The following SCAPER variants were observed in gnomAD, a reference collection of about 807,000 sequenced individuals.
SCAPER encodes the protein S-phase cyclin A associated protein in the ER.
A neutral mutation model predicts 182.2 loss-of-function variants in SCAPER; 98 were observed. The observed-to-expected ratio is 0.54, with a 90% CI of 0.46 to 0.64. The LOEUF (loss-of-function observed/expected upper bound fraction) is 0.64. Among genes scored for constraint, SCAPER ranks in the 30% least tolerant of loss-of-function variants. The pLI is 0.00. For missense variants in SCAPER, 1,432 were observed against 1,690.0 expected (o/e 0.85, Z 2.68); for synonymous variants, 605 against 564.6 (o/e 1.07, Z -1.01).
At chr15:76,870,941 C>T (rs887530037) in intron 2 of SCAPER, among the ~76,000 whole-genome samples, 3 of 151,316 alleles carry the variant, frequency 2.0e-5, no homozygotes, top group Admixed American at 6.6e-5. Flanking sequence ...TAAAAAGTAC[C>T]GACAACAACA....
intron 31 of SCAPER, 192 bp from the exon 32 acceptor site, chr15:76,348,928 CAT>C (rs2040349960): frequency 4.7e-6 from 2 of 423,822 alleles, no homozygotes; most frequent in African/African-American, 2.0e-5. Flanking sequence ...AAATATATGA[CAT>C]ATATTTTAAC....
At chr15:76,461,634 G>T (rs2049185032) in intron 25 of SCAPER, among the ~76,000 whole-genome samples, 1 of 151,542 alleles carries the variant, frequency 6.6e-6, no homozygotes, top group Admixed American at 6.6e-5. Flanking sequence ...TTCATTATCA[G>T]CACATTTTTC....
intron 18 of SCAPER, among the ~76,000 whole-genome samples, chr15:76,703,902 A>G (rs2059103190): frequency 6.6e-6 from 1 of 152,180 alleles, no homozygotes; most frequent in Non-Finnish European, 1.5e-5. Context: ...CTAGGACTAT[A>G]CAAATAGTAA....
rs376177880 is a variant in SCAPER at position 76,568,475 on chromosome 15, A to G, written c.2838+5683T>C. On this transcript the variant is annotated intron_variant, in intron 23 of 31. Transcript: ENST00000563290. ...AGTTCGAGTGATTCTCCTGTCTCAG[A>G]CTCCCAAGTAGCTGTGATTACAGGT... 9.3e-5 allele frequency among the ~76,000 whole-genome samples: 14 copies of G among 151,204 alleles called. No homozygotes were observed. In the East Asian group the frequency reaches 1.9e-3, roughly 21 times the overall value.
intron 22 of SCAPER, among the ~76,000 whole-genome samples, chr15:76,612,514 G>T (rs368873325): frequency 1.4e-4 from 22 of 152,226 alleles, no homozygotes; most frequent in African/African-American, 5.3e-4. Context: ...GTGATTACAG[G>T]CATGAGGCAC....
chr15:76,777,691 T>A (rs1047092006), intron 8 of SCAPER, among the ~76,000 whole-genome samples: 1 of 151,944 alleles, frequency 6.6e-6, no homozygotes, highest in Non-Finnish European at 1.5e-5. Context: ...CAAAACTCCA[T>A]CTCAAAAAAG....
At chr15:76,705,835 C>T (rs961189494) in intron 18 of SCAPER, 68 bp downstream of exon 18, 1 of 1,060,404 alleles carries the variant, frequency 9.4e-7, no homozygotes, top group South Asian at 1.6e-5. Flanking sequence ...TTTTTTCCTA[C>T]AAAATTTTGA....
intron 2 of SCAPER, among the ~76,000 whole-genome samples, chr15:76,873,474 T>C (rs1382324358): frequency 6.6e-6 from 1 of 152,108 alleles, no homozygotes; most frequent in African/African-American, 2.4e-5. Context: ...AGAGTATATA[T>C]AGTGATACTT....
intron 21 of SCAPER, among the ~76,000 whole-genome samples, chr15:76,660,495 C>T (rs953399489): frequency 6.6e-6 from 1 of 152,018 alleles, no homozygotes; most frequent in African/African-American, 2.4e-5. Context: ...GCAGTATTTA[C>T]AATAGCAAAA....
rs1430569643 is a variant in SCAPER, at chr15:76,348,582, A to G, written c.*51T>C. Reference sequence around the variant, plus strand: ...AGGAACAATTAGAATGTTTGTTTGGACAATTTAAAATATTAACAAGGGTAC... The same window carrying G: ...AGGAACAATTAGAATGTTTGTTTGGGCAATTTAAAATATTAACAAGGGTAC... On this transcript the variant is annotated 3_prime_UTR_variant, in exon 32 of 32. Transcript: ENST00000563290. 2.4e-6 allele frequency: 3 copies of G among 1,246,892 alleles called. No homozygotes were observed. Among genetic ancestry groups the G allele is most frequent in the East Asian group, 2.5e-5 (1 of 39,296 alleles). 77.2% of individuals were successfully genotyped at this position (1,246,892 alleles called of 1,614,324 possible).
chr15:76,785,686 A>G (rs1164179960), intron 8 of SCAPER, among the ~76,000 whole-genome samples: 8 of 152,238 alleles, frequency 5.3e-5, no homozygotes, highest in African/African-American at 1.9e-4. Context: ...ACCACGGAAT[A>G]CTATGCAGCC....
At chr15:76,829,542 G>C (rs937479982) in intron 5 of SCAPER, among the ~76,000 whole-genome samples, 1 of 151,922 alleles carries the variant, frequency 6.6e-6, no homozygotes, top group Non-Finnish European at 1.5e-5. Flanking sequence ...ATCAGCTTAG[G>C]TTCCATGGCC....
intron 29 of SCAPER, among the ~76,000 whole-genome samples, chr15:76,372,842 T>C (rs1414312280): frequency 2.0e-5 from 3 of 152,112 alleles, no homozygotes; most frequent in Admixed American, 2.0e-4. Context: ...TCTGATATAA[T>C]GTTAAGTGCA....
At chr15:76,759,495 G>C (rs1165671665) in intron 14 of SCAPER, among the ~76,000 whole-genome samples, 1 of 152,084 alleles carries the variant, frequency 6.6e-6, no homozygotes, top group South Asian at 2.1e-4. Flanking sequence ...CCATTCATAA[G>C]AGCAGAGGCA....
chr15:76,450,917 GATTA>G (rs1213127137), intron 25 of SCAPER, among the ~76,000 whole-genome samples: 3 of 152,270 alleles, frequency 2.0e-5, no homozygotes, highest in African/African-American at 4.8e-5. Flanking sequence ...TGTACACTTG[GATTA>G]ATTTTGACAT....
At chr15:76,376,499 T>A (rs1207906239) in intron 28 of SCAPER, among the ~76,000 whole-genome samples, 188 bp from the exon 29 acceptor site, 4 of 152,222 alleles carry the variant, frequency 2.6e-5, no homozygotes, top group African/African-American at 9.6e-5. Flanking sequence ...ATAAATGCAA[T>A]GTTTAACCTG....
intron 26 of SCAPER, among the ~76,000 whole-genome samples, chr15:76,405,093 CTT>C (rs1212527088): frequency 6.9e-6 from 1 of 143,968 alleles, no homozygotes; most frequent in African/African-American, 2.6e-5. Context: ...CTCAGACACT[CTT>C]GTTACAACTT....
At chr15:76,761,289 T>C (rs1177211396) in intron 14 of SCAPER, among the ~76,000 whole-genome samples, 1 of 152,176 alleles carries the variant, frequency 6.6e-6, no homozygotes, top group South Asian at 2.1e-4. Flanking sequence ...ACCACCGTTT[T>C]GTTGATTTTT....
At chr15:76,733,522 G>T in intron 15 of SCAPER, 138 bp from the exon 16 acceptor site, 1 of 966,324 alleles carries the variant, frequency 1.0e-6, no homozygotes, top group Non-Finnish European at 1.5e-6. Flanking sequence ...GCTGAGGAAG[G>T]CGGATCACCT....
Sources: gnomAD v4.1 joint callset for allele counts (sites outside exome capture counted in the v4.1 genomes callset) on GRCh38, gnomAD v4.1.1 for gene constraint, MANE v1.5 for transcripts, NCBI Gene and HGNC (gene_info 2026-07-23, HGNC 2026-07-21) for gene names.